The following PLXNA2 variants were observed in gnomAD, a reference collection of about 807,000 sequenced individuals.
The protein encoded by PLXNA2 is plexin A2, also known as plexin-A2.
PLXNA2 carries 91 observed loss-of-function variants against 193.5 expected under a neutral mutation model. That is an observed-to-expected ratio of 0.47 (90% confidence interval 0.40 to 0.56). PLXNA2 has a LOEUF of 0.56. Among genes scored for constraint, PLXNA2 ranks in the 20% least tolerant of loss-of-function variants. PLXNA2 has a pLI of 0.00. For missense variants in PLXNA2, 1,995 were observed against 2,503.2 expected, an observed-to-expected ratio of 0.80 and a Z score of 4.33; for synonymous variants, 997 against 1,027.3, an observed-to-expected ratio of 0.97 and a Z score of 0.56.
chr1:208,161,176 CA>C (rs909197618), intron 3 of PLXNA2, among the ~76,000 whole-genome samples: 9 of 152,126 alleles, frequency 5.9e-5, no homozygotes, highest in African/African-American at 2.2e-4. Context: ...TTCAGAAAAC[CA>C]GTCTGGAATC....
intron 13 of PLXNA2, among the ~76,000 whole-genome samples, chr1:208,056,786 C>T (rs1362322003): frequency 1.3e-5 from 2 of 152,104 alleles, no homozygotes; most frequent in Non-Finnish European, 1.5e-5. Context: ...GGGCATCAGC[C>T]GAGCCCCCTT....
chr1:208,045,145 C>G lies in PLXNA2; in HGVS notation c.3561G>C (p.Glu1187Asp), dbSNP rs1380008634. ...AKLNYTVLIG[E>D]TPCAVTVSET... ...CAGATACGGTGACAGCACAAGGGGTCTCTCCGATGAGCACAGTGTAGTTGA... is the reference window on the plus strand; with the variant it reads ...CAGATACGGTGACAGCACAAGGGGTGTCTCCGATGAGCACAGTGTAGTTGA... The change falls in exon 19 of 32, where the codon GAG becomes GAC. Residue 1187 changes from glutamate (E) to aspartate (D), a missense_variant. Glu to Asp is a conservative substitution (Grantham distance 45). Transcript: ENST00000367033. The G allele has an allele frequency of 6.2e-7, 1 of 1,614,150 alleles. No individual in the cohort carries two copies. The highest frequency in any genetic ancestry group is 8.5e-7 in the Non-Finnish European group (1 of 1,180,004).
chr1:208,060,535 G>C (rs533915648), intron 13 of PLXNA2, 151 bp downstream of exon 13: 32 of 674,716 alleles, frequency 4.7e-5, no homozygotes, highest in Middle Eastern at 4.0e-4. Flanking sequence ...TGAGGGAGGA[G>C]GGGGCCCTGG....
chr1:208,155,755 C>T (rs1297059673), intron 3 of PLXNA2, among the ~76,000 whole-genome samples: 1 of 151,974 alleles, frequency 6.6e-6, no homozygotes, highest in African/African-American at 2.4e-5. Context: ...TCATGGGATG[C>T]TGAGCTCTGG....
At chr1:208,075,929 A>C (rs1444716286) in intron 12 of PLXNA2, among the ~76,000 whole-genome samples, 2 of 149,912 alleles carry the variant, frequency 1.3e-5, no homozygotes, top group African/African-American at 2.4e-5. Flanking sequence ...GTGGTGGTGC[A>C]TGCCTGTTGT....
intron 4 of PLXNA2, among the ~76,000 whole-genome samples, chr1:208,136,802 A>G (rs1467008433): frequency 6.6e-6 from 1 of 152,240 alleles, no homozygotes; most frequent in Non-Finnish European, 1.5e-5. Flanking sequence ...TGTGCCAGCC[A>G]TAATTTGTGG....
At chr1:208,185,696 CAAAA>C (rs56384277) in intron 3 of PLXNA2, among the ~76,000 whole-genome samples, 66 of 57,256 alleles carry the variant, frequency 1.2e-3, no homozygotes, top group African/African-American at 4.4e-3. Flanking sequence ...TCTCTGAAAG[CAAAA>C]AAAAAAAAAA....
intron 3 of PLXNA2, 117 bp from the exon 4 acceptor site, chr1:208,142,580 T>C (rs756138435): frequency 1.0e-6 from 1 of 968,256 alleles, no homozygotes; most frequent in Non-Finnish European, 1.5e-6. Flanking sequence ...CAGTCACTAC[T>C]CCATAGACTG....
intron 9 of PLXNA2, among the ~76,000 whole-genome samples, chr1:208,090,943 C>CA (rs2102401289): frequency 6.6e-6 from 1 of 152,296 alleles, no homozygotes; most frequent in East Asian, 1.9e-4. Context: ...CTGTGGTGCC[C>CA]ACTCCCACCT....
At chr1:208,066,283 T>C (rs944614566) in intron 12 of PLXNA2, among the ~76,000 whole-genome samples, 1 of 152,148 alleles carries the variant, frequency 6.6e-6, no homozygotes, top group African/African-American at 2.4e-5. Context: ...TGCTGTTGGG[T>C]TGGGGCGAAA....
At position 208,060,163 on chromosome 1, in the gene PLXNA2, T is replaced by C. The variant is rs574878656; in HGVS notation, c.2738+523A>G. Among the ~76,000 whole-genome samples the C allele has an allele frequency of 7.2e-5, 11 of 152,242 alleles. No homozygotes were observed. The East Asian group carries it at 1.9e-3, about 27-fold the overall frequency. The stretch of plus-strand genomic sequence containing the variant: ...ACCACTGCCAAATGAACACCCCAAA[T>C]TGGAACATATGTCACTCCTGGAGCC... On this transcript the variant is annotated intron_variant, in intron 13 of 31. Coordinates refer to ENST00000367033, the MANE Select transcript of PLXNA2 (RefSeq NM_025179.4).
chr1:208,085,099 T>TTTA (rs1491327653), intron 9 of PLXNA2, among the ~76,000 whole-genome samples: 1 of 151,450 alleles, frequency 6.6e-6, no homozygotes, highest in African/African-American at 2.4e-5. Flanking sequence ...TTTTTTTTTT[T>TTTA]AATCTCATTT....
chr1:208,047,669 T>C (rs1342261756), intron 17 of PLXNA2, among the ~76,000 whole-genome samples: 1 of 152,252 alleles, frequency 6.6e-6, no homozygotes, highest in African/African-American at 2.4e-5. Flanking sequence ...CACACTGTCC[T>C]GGCAGGTCCA....
At chr1:208,141,538 T>C (rs892051008) in intron 4 of PLXNA2, among the ~76,000 whole-genome samples, 1 of 152,190 alleles carries the variant, frequency 6.6e-6, no homozygotes, top group Non-Finnish European at 1.5e-5. Flanking sequence ...TTAAGAAAAA[T>C]GACAAGACCC....
At chr1:208,235,626 G>A (rs1329154735) in intron 1 of PLXNA2, among the ~76,000 whole-genome samples, 1 of 152,200 alleles carries the variant, frequency 6.6e-6, no homozygotes, top group Non-Finnish European at 1.5e-5. Context: ...GTCAACAGGT[G>A]AGAAATCTTT....
intron 12 of PLXNA2, among the ~76,000 whole-genome samples, chr1:208,078,574 T>C (rs1053824083): frequency 1.3e-5 from 2 of 152,148 alleles, no homozygotes; most frequent in Admixed American, 1.3e-4. Context: ...GTGACAGTTA[T>C]AGACTAGGGA....
intron 28 of PLXNA2, 153 bp from the exon 29 acceptor site, chr1:208,031,912 T>A: frequency 1.1e-6 from 1 of 892,242 alleles, no homozygotes; most frequent in Non-Finnish European, 1.3e-6. Flanking sequence ...AAGGGTACTA[T>A]TGGTTAGCTG....
Position 208,038,925 on chromosome 1 carries a change from T to C in PLXNA2, c.4560A>G (p.Leu1520=). The C allele has an allele frequency of 6.2e-7, 1 of 1,614,118 alleles. No individual in the cohort carries two copies. Among genetic ancestry groups the C allele is most frequent in the South Asian group, 1.1e-5 (1 of 91,082 alleles). The change falls in exon 25 of 32, where the codon TTA becomes TTG. Residue 1520 remains leucine, a synonymous_variant. Transcript: ENST00000367033. This position sits in a 1 kb window ranked among gnomAD's most constrained non-coding sequence, Gnocchi z 4.1. ...ENSPEIPVKV[L]NCDTITQVKE... ...TGACCTGTGTGATGGTGTCACAGTT[T>C]AACACCTTCACTGGGATCTCTGGAC...
chr1:208,195,116 C>T (rs1015358529), intron 3 of PLXNA2, among the ~76,000 whole-genome samples: 1 of 152,150 alleles, frequency 6.6e-6, no homozygotes, highest in Non-Finnish European at 1.5e-5. Flanking sequence ...TGGGAGAAGG[C>T]AGAGAAACTT....
Sources: gnomAD v4.1 joint callset for allele counts (sites outside exome capture counted in the v4.1 genomes callset) on GRCh38, gnomAD v4.1.1 for gene constraint, Gnocchi (gnomAD v3.1) non-coding constraint, MANE v1.5 for transcripts, NCBI Gene and HGNC (gene_info 2026-07-23, HGNC 2026-07-21) for gene names.